The following DHX15 variants were observed in gnomAD, a reference collection of about 807,000 sequenced individuals.
DHX15 encodes DEAH-box helicase 15, also known as ATP-dependent RNA helicase DHX15.
In DHX15, 11 loss-of-function variants were observed where a neutral mutation model predicts 94.4. That is an observed-to-expected ratio of 0.12 (90% CI 0.07 to 0.19). The LOEUF (loss-of-function observed/expected upper bound fraction) is 0.19. Ranked by LOEUF, DHX15 falls within the 10% of genes least tolerant of loss-of-function variation. The pLI is 1.00. For missense variants in DHX15, 304 were observed against 988.5 expected (o/e 0.31, Z 9.29); for synonymous variants, 338 against 329.9 (o/e 1.02, Z -0.27).
intron 7 of DHX15, among the ~76,000 whole-genome samples, chr4:24,542,734 A>C (rs1388605918): frequency 2.6e-5 from 4 of 152,150 alleles, no homozygotes; most frequent in Non-Finnish European, 5.9e-5. Flanking sequence ...CAACTCTAAA[A>C]GAAAAAAAAG....
intron 7 of DHX15, among the ~76,000 whole-genome samples, 158 bp from the exon 8 acceptor site, chr4:24,542,180 C>T (rs1403093382): frequency 6.6e-6 from 1 of 152,150 alleles, no homozygotes; most frequent in African/African-American, 2.4e-5. Flanking sequence ...CCATCCTGAA[C>T]CTTAAAGTTC....
At chr4:24,570,883 C>A in intron 2 of DHX15, 36 bp from the exon 3 acceptor site, 1 of 1,597,304 alleles carries the variant, frequency 6.3e-7, no homozygotes, top group Non-Finnish European at 8.6e-7. Context: ...TAATTCTATT[C>A]TGCCTGCATA....
intron 5 of DHX15, among the ~76,000 whole-genome samples, chr4:24,550,542 C>T (rs1340875358): frequency 6.6e-6 from 1 of 152,074 alleles, no homozygotes; most frequent in Admixed American, 6.5e-5. Context: ...GGTTAAAAGA[C>T]ACAAACACAC....
chr4:24,557,979 C>CAAAAAAA (rs58623833), intron 3 of DHX15, among the ~76,000 whole-genome samples: 1 of 127,532 alleles, frequency 7.8e-6, no homozygotes, highest in Non-Finnish European at 1.6e-5. Flanking sequence ...ATTTGCAAGG[C>CAAAAAAA]AAAAAAAAAA....
chr4:24,564,184 C>T (rs778164416), intron 3 of DHX15, among the ~76,000 whole-genome samples: 7 of 151,662 alleles, frequency 4.6e-5, no homozygotes, highest in Non-Finnish European at 1.0e-4. Flanking sequence ...ATAGCATTAA[C>T]ACACTTAATA....
At chr4:24,583,576 A>T (rs973011524) in intron 1 of DHX15, among the ~76,000 whole-genome samples, 1 of 152,106 alleles carries the variant, frequency 6.6e-6, no homozygotes, top group African/African-American at 2.4e-5. Context: ...GCGTAGGCAG[A>T]GAGCGGAAGT....
chr4:24,530,146 G>A, intron 12 of DHX15: 1 of 282,264 alleles, frequency 3.5e-6, no homozygotes, highest in Non-Finnish European at 6.7e-6. Context: ...CCAAGAGCAG[G>A]CAGTGTTAGG....
intron 3 of DHX15, among the ~76,000 whole-genome samples, chr4:24,559,375 TAAAAA>T (rs535455690): frequency 4.3e-5 from 4 of 93,366 alleles, no homozygotes; most frequent in Admixed American, 1.1e-4. Flanking sequence ...TTTAAGCCAC[TAAAAA>T]AAAAAAAAAA....
At chr4:24,558,614 C>A (rs1288360989) in intron 3 of DHX15, among the ~76,000 whole-genome samples, 1 of 152,072 alleles carries the variant, frequency 6.6e-6, no homozygotes, top group Non-Finnish European at 1.5e-5. Context: ...CCAGACAATT[C>A]CCAATGGTTC....
In DHX15 at chr4:24,582,662, G is replaced by T. The variant is rs1265026652; in HGVS notation, c.71+1661C>A. On this transcript the variant is annotated intron_variant, in intron 1 of 13. Transcript: ENST00000336812. ...TCTTAACTACAGTACTGAACTGTGT[G>T]CTGCTGAGTGAAAATGACAAAGGCA... Among the ~76,000 whole-genome samples the T allele has an allele frequency of 7.2e-5, 11 of 152,326 alleles. No individual in the cohort carries two copies. In the East Asian group the frequency reaches 2.1e-3, roughly 29 times the overall value.
In DHX15 at chr4:24,538,774, G is replaced by A. The variant is rs559677112; in HGVS notation, c.1786+1334C>T. On this transcript the variant is annotated intron_variant, in intron 10 of 13. Coordinates refer to ENST00000336812, the MANE Select transcript of DHX15 (RefSeq NM_001358.3). ...TACAAATAAAACTGAGATGTAGTTGGAAGATTACAACTACATCACAACAAC... is the reference window on the plus strand; with the variant it reads ...TACAAATAAAACTGAGATGTAGTTGAAAGATTACAACTACATCACAACAAC... The A allele has an allele frequency of 2.6e-5, 4 of 152,004 alleles. No individual in the cohort carries two copies. In the East Asian group the frequency reaches 7.7e-4, roughly 29 times the overall value. The allele number at this position is 152,004 out of a possible 1,614,324, so 9.4% of individuals were successfully genotyped here.
At chr4:24,548,661 C>T (rs1721515218) in intron 6 of DHX15, among the ~76,000 whole-genome samples, 194 bp downstream of exon 6, 1 of 152,200 alleles carries the variant, frequency 6.6e-6, no homozygotes, top group African/African-American at 2.4e-5. Context: ...GCTAAGGAGG[C>T]ACTACCTAGA....
At chr4:24,570,410 AC>A (rs1421360343) in intron 3 of DHX15, among the ~76,000 whole-genome samples, 1 of 152,188 alleles carries the variant, frequency 6.6e-6, no homozygotes, top group Admixed American at 6.5e-5. Flanking sequence ...AGTATCAGTA[AC>A]ATTTCACCTA....
chr4:24,584,173 G>T, intron 1 of DHX15, 150 bp downstream of exon 1: 1 of 816,162 alleles, frequency 1.2e-6, no homozygotes, highest in Non-Finnish European at 1.9e-6. Context: ...CGGGCGCCGC[G>T]CTTCTCCTAC....
chr4:24,547,893 G>GTATATATATATATATATA lies in DHX15; in HGVS notation c.1248+961_1248+962insTATATATATATATATATA, dbSNP rs1403248233. On this transcript the variant is annotated intron_variant, in intron 6 of 13. Transcript: ENST00000336812. Reference sequence around the variant, plus strand: ...TCTCTCTCTCTCTCTCTCTCTCTATGTATGTATGTGTATATATATATATAT... The same window carrying GTATATATATATATATATA: ...TCTCTCTCTCTCTCTCTCTCTCTATGTATATATATATATATATATATGTATGTGTATATATATATATAT... 4.5e-5 allele frequency among the ~76,000 whole-genome samples: 3 copies of GTATATATATATATATATA among 66,736 alleles called. 1 individual carries two copies. The highest frequency in any genetic ancestry group is 9.9e-5 in the Non-Finnish European group (3 of 30,338). 43.8% of individuals were successfully genotyped at this position (66,736 alleles called of 152,430 possible). A position where few individuals can be genotyped will look rare whatever the true frequency, so the allele number is the denominator to read the frequency against.
At chr4:24,530,038 C>A in intron 12 of DHX15, 1 of 500,442 alleles carries the variant, frequency 2.0e-6, no homozygotes, top group East Asian at 3.7e-5. Flanking sequence ...AAAAACATTC[C>A]GTGAAGCATG....
intron 6 of DHX15, among the ~76,000 whole-genome samples, chr4:24,547,867 CTCT>C (rs1721458879): frequency 1.3e-4 from 1 of 7,478 alleles, no homozygotes; most frequent in Non-Finnish European, 2.1e-4. Flanking sequence ...ATATGTCTCT[CTCT>C]CTCTCTCTCT....
At chr4:24,536,963 G>C in intron 11 of DHX15, 88 bp downstream of exon 11, 1 of 1,408,828 alleles carries the variant, frequency 7.1e-7, no homozygotes, top group Middle Eastern at 2.5e-4. Flanking sequence ...AGTTGTCACG[G>C]ATAATAAATC....
intron 2 of DHX15, among the ~76,000 whole-genome samples, chr4:24,574,861 A>C (rs1172322271): frequency 1.3e-5 from 2 of 152,182 alleles, no homozygotes; most frequent in Non-Finnish European, 2.9e-5. Context: ...AAATTCTTAA[A>C]ATTTCCGTAA....
Sources: gnomAD v4.1 joint callset for allele counts (sites outside exome capture counted in the v4.1 genomes callset) on GRCh38, gnomAD v4.1.1 for gene constraint, MANE v1.5 for transcripts, NCBI Gene and HGNC (gene_info 2026-07-23, HGNC 2026-07-21) for gene names.